Variants in RGS6 observed in about 807,000 individuals in gnomAD.
RGS6 encodes the protein regulator of G-protein signaling 6.
In RGS6, 30 loss-of-function variants were observed where a neutral mutation model predicts 78.5. The observed-to-expected ratio is 0.38, with a 90% CI of 0.29 to 0.52. RGS6 has a LOEUF of 0.52. Among genes scored for constraint, RGS6 ranks in the 20% least tolerant of loss-of-function variants. The probability of loss-of-function intolerance (pLI) is 0.85; values close to 1 mark genes in which losing one functional copy is unlikely to be tolerated. For missense variants in RGS6, 495 were observed against 609.7 expected, an observed-to-expected ratio of 0.81 and a Z score of 1.98; for synonymous variants, 206 against 206.0, an observed-to-expected ratio of 1.00 and a Z score of 0.00.
At chr14:71,882,470 T>C in the RGS6 span, among the ~76,000 whole-genome samples, 2 of 152,158 alleles carry the variant, frequency 1.3e-5, no homozygotes, top group African/African-American at 4.8e-5. Context: ...ACTTTTAAAA[T>C]ATGTGGTTCG....
chr14:72,026,691 C>T lies in RGS6; in HGVS notation c.84+61816C>T, dbSNP rs933001091. 5.3e-5 allele frequency among the ~76,000 whole-genome samples: 8 copies of T among 152,334 alleles called. No homozygotes were observed. The South Asian group carries it at 1.7e-3, about 32-fold the overall frequency. On this transcript the variant is annotated intron_variant, in intron 2 of 17. Transcript: ENST00000553525. ...TCCATGCTTTCAAAGCCCTCTAAGC[C>T]ATCAGCCATCTGTCCTGCTCACAGA...
At chr14:71,930,908 C>T (rs1036342073), upstream of RGS6, among the ~76,000 whole-genome samples, 1 of 133,108 alleles carries the variant, frequency 7.5e-6, no homozygotes, top group Non-Finnish European at 1.6e-5. Context: ...ACCTGGGAGG[C>T]GGAGGTTGCA....
intron 2 of RGS6, among the ~76,000 whole-genome samples, chr14:72,158,098 T>A (rs1031073964): frequency 1.3e-5 from 2 of 152,176 alleles, no homozygotes; most frequent in Non-Finnish European, 2.9e-5. Flanking sequence ...CATAAAAAAA[T>A]AGCACAGACT....
At chr14:72,376,615 C>A (rs2084788914) in intron 3 of RGS6, among the ~76,000 whole-genome samples, 1 of 152,050 alleles carries the variant, frequency 6.6e-6, no homozygotes, top group Non-Finnish European at 1.5e-5. Context: ...TAATCTCCAT[C>A]AGATTGATAG....
the RGS6 span, among the ~76,000 whole-genome samples, chr14:72,589,414 G>T: frequency 1.3e-5 from 2 of 152,146 alleles, no homozygotes; most frequent in Non-Finnish European, 2.9e-5. Flanking sequence ...GCTAAGCATG[G>T]TGGCACACAC....
At chr14:72,040,726 A>G (rs956255469) in intron 2 of RGS6, among the ~76,000 whole-genome samples, 3 of 151,986 alleles carry the variant, frequency 2.0e-5, no homozygotes, top group African/African-American at 7.2e-5. Flanking sequence ...GACTCTCATA[A>G]TGTGTATATT....
intron 2 of RGS6, among the ~76,000 whole-genome samples, chr14:72,066,085 A>G (rs915457637): frequency 6.6e-6 from 1 of 152,190 alleles, no homozygotes; most frequent in Non-Finnish European, 1.5e-5. Context: ...GTTTGGGAAG[A>G]TATCTTCTTT....
At chr14:72,277,489 C>T (rs541466030) in intron 2 of RGS6, among the ~76,000 whole-genome samples, 19 of 152,058 alleles carry the variant, frequency 1.2e-4, no homozygotes, top group South Asian at 8.3e-4. Context: ...CCCATCTCCT[C>T]AGGAGGCTGA....
chr14:72,053,407 C>T (rs752852686), intron 2 of RGS6, among the ~76,000 whole-genome samples: 44 of 151,884 alleles, frequency 2.9e-4, no homozygotes, highest in Non-Finnish European at 4.6e-4. Context: ...CATGAGCCAC[C>T]GCACCCAGCC....
chr14:72,476,699 A>G (rs778076343), intron 10 of RGS6, 43 bp from the exon 11 acceptor site: 11 of 1,582,188 alleles, frequency 7.0e-6, no homozygotes, highest in East Asian at 4.5e-5. Flanking sequence ...CCACCCTCCA[A>G]TTCTGTGGGT....
chr14:71,957,192 G>A (rs1262132126), intron 1 of RGS6, among the ~76,000 whole-genome samples: 3 of 152,196 alleles, frequency 2.0e-5, no homozygotes, highest in Admixed American at 6.5e-5. Context: ...AGGTGTTAGG[G>A]AAGCAGAAGA....
chr14:71,917,468 A>G, the RGS6 span, among the ~76,000 whole-genome samples: 1 of 152,180 alleles, frequency 6.6e-6, no homozygotes, highest in Admixed American at 6.5e-5. Flanking sequence ...GCACGAATTA[A>G]TCAGACTTCT....
At chr14:72,599,774 A>T in the RGS6 span, among the ~76,000 whole-genome samples, 1 of 151,986 alleles carries the variant, frequency 6.6e-6, no homozygotes, top group African/African-American at 2.4e-5. Context: ...AGCAGGGAGC[A>T]GGGAGATAGT....
At chr14:71,999,571 A>G (rs972446790) in intron 2 of RGS6, among the ~76,000 whole-genome samples, 5 of 144,102 alleles carry the variant, frequency 3.5e-5, no homozygotes, top group Admixed American at 7.1e-5. Flanking sequence ...CATAACCTCA[A>G]TGTTGGAGGT....
intron 12 of RGS6, among the ~76,000 whole-genome samples, chr14:72,490,627 T>C (rs1265238852): frequency 6.6e-6 from 1 of 152,180 alleles, no homozygotes; most frequent in Non-Finnish European, 1.5e-5. Flanking sequence ...TTATATAACA[T>C]GATGAACTTG....
intron 2 of RGS6, among the ~76,000 whole-genome samples, chr14:72,212,772 G>GT (rs1366976218): frequency 1.3e-5 from 2 of 152,156 alleles, no homozygotes; most frequent in African/African-American, 4.8e-5. Context: ...AACCTCCTTT[G>GT]TAGGCTCATG....
At chr14:72,419,217 G>A (rs559210367) in intron 3 of RGS6, among the ~76,000 whole-genome samples, 39 of 152,362 alleles carry the variant, frequency 2.6e-4, no homozygotes, top group African/African-American at 8.7e-4. Flanking sequence ...ACTATTTAAA[G>A]CTAGTAGCAT....
At chr14:72,535,505 C>T (rs1362795484) in intron 15 of RGS6, among the ~76,000 whole-genome samples, 1 of 152,232 alleles carries the variant, frequency 6.6e-6, no homozygotes, top group Admixed American at 6.5e-5. Flanking sequence ...TACCATATCA[C>T]AGCCATGATA....
At chr14:72,090,557 C>G (rs1015166450) in intron 2 of RGS6, among the ~76,000 whole-genome samples, 1 of 152,206 alleles carries the variant, frequency 6.6e-6, no homozygotes, top group Non-Finnish European at 1.5e-5. Context: ...ATGTAACACA[C>G]TTGAATTATT....
Sources: allele counts gnomAD v4.1 joint callset (sites outside exome capture counted in the v4.1 genomes callset), GRCh38; gene constraint gnomAD v4.1.1; transcripts MANE v1.5; gene names NCBI Gene and HGNC (gene_info 2026-07-23, HGNC 2026-07-21).